Variants in DLGAP2 observed in about 807,000 individuals in gnomAD.
DLGAP2 encodes the protein disks large-associated protein 2.
Under a neutral mutation model 100.3 loss-of-function variants are expected in DLGAP2, and 26 were observed. The observed-to-expected ratio is 0.26, with a 90% CI of 0.19 to 0.36. The LOEUF is 0.36. DLGAP2 is among the 10% of genes least tolerant of loss of function. DLGAP2 has a pLI of 1.00. For synonymous variants in DLGAP2, 886 were observed against 630.1 expected, an observed-to-expected ratio of 1.41 and a Z score of -6.08; for missense variants, 1,858 against 1,453.2, an observed-to-expected ratio of 1.28 and a Z score of -4.53.
chr8:944,464 C>T (rs138035817), intron 2 of DLGAP2, among the ~76,000 whole-genome samples: 2 of 151,048 alleles, frequency 1.3e-5, no homozygotes, highest in African/African-American at 4.9e-5. Context: ...TGTAGGTGAT[C>T]CAGTGGGTGG....
intron 3 of DLGAP2, among the ~76,000 whole-genome samples, chr8:1,491,945 G>A (rs1027752769): frequency 6.6e-6 from 1 of 152,218 alleles, no homozygotes; most frequent in Non-Finnish European, 1.5e-5. Flanking sequence ...GGACGCGAGG[G>A]GGTGACGAGT....
At chr8:1,475,206 C>A (rs1180671305) in intron 3 of DLGAP2, among the ~76,000 whole-genome samples, 3 of 152,176 alleles carry the variant, frequency 2.0e-5, no homozygotes, top group Admixed American at 6.5e-5. Flanking sequence ...ACACCGGGAA[C>A]TACTGTGCTC....
chr8:1,516,021 A>ATGAGTGAG (rs3060447), intron 4 of DLGAP2, among the ~76,000 whole-genome samples: 44 of 150,698 alleles, frequency 2.9e-4, no homozygotes, highest in African/African-American at 8.3e-4. Flanking sequence ...GAGTGCATGA[A>ATGAGTGAG]TGAGTGAGTG....
chr8:1,480,045 C>T (rs970914732), intron 3 of DLGAP2, among the ~76,000 whole-genome samples: 1 of 152,212 alleles, frequency 6.6e-6, no homozygotes, highest in Admixed American at 6.5e-5. Context: ...TAGTATCTCT[C>T]TTGCAGAGAG....
At chr8:1,582,798 A>G (rs566531512) in intron 6 of DLGAP2, among the ~76,000 whole-genome samples, 37 of 152,276 alleles carry the variant, frequency 2.4e-4, no homozygotes, top group African/African-American at 8.2e-4. Context: ...GAGTTTCACC[A>G]TGTTGGCCAG....
intron 3 of DLGAP2, among the ~76,000 whole-genome samples, chr8:1,343,803 C>T (rs1038345097): frequency 5.9e-5 from 9 of 152,102 alleles, no homozygotes; most frequent in South Asian, 4.1e-4. Context: ...CCTGCTGTGG[C>T]ACGAGATCCT....
At chr8:1,378,778 T>C (rs925705292) in intron 3 of DLGAP2, among the ~76,000 whole-genome samples, 11 of 152,368 alleles carry the variant, frequency 7.2e-5, no homozygotes, top group Admixed American at 2.6e-4. Flanking sequence ...TCTTTCCTTA[T>C]GCAGTTTCTG....
chr8:1,183,326 C>T (rs950725626), intron 2 of DLGAP2, among the ~76,000 whole-genome samples: 1 of 152,100 alleles, frequency 6.6e-6, no homozygotes, highest in Non-Finnish European at 1.5e-5. Context: ...GGAAAACAGC[C>T]AATTTGTAAT....
chr8:1,322,314 T>C (rs1345293118), intron 3 of DLGAP2, among the ~76,000 whole-genome samples: 2 of 152,224 alleles, frequency 1.3e-5, no homozygotes, highest in Non-Finnish European at 2.9e-5. Flanking sequence ...AATCTCAAAC[T>C]TAAAATGTTC....
At chr8:1,340,485 C>T (rs1379694989) in intron 3 of DLGAP2, among the ~76,000 whole-genome samples, 1 of 152,236 alleles carries the variant, frequency 6.6e-6, no homozygotes, top group Non-Finnish European at 1.5e-5. Context: ...AAAAGCTCAA[C>T]ATCACTGACC....
At chr8:909,254 T>C (rs1798438634) in intron 2 of DLGAP2, among the ~76,000 whole-genome samples, 1 of 152,208 alleles carries the variant, frequency 6.6e-6, no homozygotes, top group Non-Finnish European at 1.5e-5. Context: ...AGTAAAAATG[T>C]ATGAAAAAGT....
intron 3 of DLGAP2, among the ~76,000 whole-genome samples, chr8:1,363,525 G>A (rs530250879): frequency 6.6e-5 from 10 of 152,330 alleles, no homozygotes; most frequent in Non-Finnish European, 1.0e-4. Flanking sequence ...CTCAGGGCAC[G>A]TTTCCCTGCA....
At chr8:1,288,722 C>T (rs1045655887) in intron 3 of DLGAP2, among the ~76,000 whole-genome samples, 4 of 128,762 alleles carry the variant, frequency 3.1e-5, no homozygotes, top group Non-Finnish European at 6.4e-5. Context: ...GAACTTGTTT[C>T]GTTTCAGTGT....
chr8:1,446,422 G>A (rs1215052760), intron 3 of DLGAP2, among the ~76,000 whole-genome samples: 1 of 152,134 alleles, frequency 6.6e-6, no homozygotes, highest in Non-Finnish European at 1.5e-5. Flanking sequence ...CATTATTTCT[G>A]AGGGCTCTGT....
chr8:1,449,684 G>C (rs1240026624), intron 3 of DLGAP2, among the ~76,000 whole-genome samples: 5 of 152,220 alleles, frequency 3.3e-5, no homozygotes, highest in African/African-American at 1.2e-4. Context: ...CAGAAGGTGG[G>C]AGCAGGGGGT....
intron 14 of DLGAP2, among the ~76,000 whole-genome samples, chr8:1,698,244 G>A (rs147223744): frequency 6.6e-6 from 1 of 152,296 alleles, no homozygotes. Flanking sequence ...CAGGGTCCAC[G>A]TAAGCCATGC....
intron 3 of DLGAP2, among the ~76,000 whole-genome samples, chr8:1,327,868 G>C (rs186868221): frequency 6.6e-6 from 1 of 152,042 alleles, no homozygotes; most frequent in Admixed American, 6.6e-5. Context: ...ATAAAATGAC[G>C]TGCTTGTAAA....
chr8:795,718 C>T (rs1460435501), intron 1 of DLGAP2, among the ~76,000 whole-genome samples: 27 of 121,122 alleles, frequency 2.2e-4, no homozygotes, highest in Non-Finnish European at 2.6e-4. Context: ...TGAGAGCAGG[C>T]GTCCAGTGAG....
chr8:841,811 G>A (rs931625469), intron 1 of DLGAP2, among the ~76,000 whole-genome samples: 8 of 152,136 alleles, frequency 5.3e-5, no homozygotes, highest in Non-Finnish European at 7.3e-5. Flanking sequence ...TTGAACTTAG[G>A]AATTTGGAAT....
Sources: gnomAD v4.1 joint callset for allele counts (sites outside exome capture counted in the v4.1 genomes callset) on GRCh38, gnomAD v4.1.1 for gene constraint, MANE v1.5 for transcripts, NCBI Gene and HGNC (gene_info 2026-07-23, HGNC 2026-07-21) for gene names.